The following PPP1R21 variants were observed in gnomAD, a reference collection of about 807,000 sequenced individuals.
PPP1R21 encodes KLRAQ motif containing 1.
Under a neutral mutation model 112.8 loss-of-function variants are expected in PPP1R21, and 85 were observed. That is an observed-to-expected ratio of 0.75 (90% CI 0.63 to 0.90). The LOEUF is 0.90. PPP1R21 is among the 40% of genes least tolerant of loss of function. PPP1R21 has a pLI of 0.00. For synonymous variants in PPP1R21, 381 were observed against 322.3 expected, an observed-to-expected ratio of 1.18 and a Z score of -1.95; for missense variants, 1,199 against 901.5, an observed-to-expected ratio of 1.33 and a Z score of -4.23.
intron 7 of PPP1R21, among the ~76,000 whole-genome samples, chr2:48,462,040 C>G (rs1283208210): frequency 6.6e-6 from 1 of 152,192 alleles, no homozygotes; most frequent in Non-Finnish European, 1.5e-5. Context: ...CTTCTAGCTT[C>G]TACATTAATG....
chr2:48,442,859 G>C (rs774190439), intron 1 of PPP1R21, among the ~76,000 whole-genome samples: 1 of 152,174 alleles, frequency 6.6e-6, no homozygotes, highest in Non-Finnish European at 1.5e-5. Flanking sequence ...CAAGTAAGAA[G>C]AGTGAACTTT....
At chr2:48,483,913 C>T (rs537863250) in intron 13 of PPP1R21, among the ~76,000 whole-genome samples, 1 of 152,034 alleles carries the variant, frequency 6.6e-6, no homozygotes, top group East Asian at 1.9e-4. Context: ...GTCTCAAACT[C>T]CTGGACTCAA....
chr2:48,472,100 C>T (rs1008429955), intron 11 of PPP1R21, among the ~76,000 whole-genome samples: 3 of 151,530 alleles, frequency 2.0e-5, no homozygotes, highest in Non-Finnish European at 4.4e-5. Flanking sequence ...ATTAGCCGGG[C>T]GTTGTGGTGC....
chr2:48,461,460 A>G (rs1489077290), intron 7 of PPP1R21, among the ~76,000 whole-genome samples: 1 of 152,188 alleles, frequency 6.6e-6, no homozygotes, highest in Non-Finnish European at 1.5e-5. Flanking sequence ...GCCCAAATCC[A>G]CATTTTTTGA....
chr2:48,486,885 C>G lies in PPP1R21; in HGVS notation c.1446+127C>G, dbSNP rs984373324. 103 of 956,110 alleles carry G rather than the reference C, an allele frequency of 1.1e-4. 1 individual carries two copies. In the South Asian group the frequency reaches 1.4e-3, roughly 13 times the overall value. 59.2% of individuals were successfully genotyped at this position (956,110 alleles called of 1,614,324 possible). A position where few individuals can be genotyped will look rare whatever the true frequency, so the allele number is the denominator to read the frequency against. ...AGGGTTTACTGTAAAATAAAGTTGT[C>G]TCTCTTTCCTCTGCTTCCTACCCAG... is the stretch of plus-strand genomic sequence containing the variant. On this transcript the variant is annotated intron_variant, in intron 14 of 21. Coordinates refer to ENST00000294952, the MANE Select transcript of PPP1R21 (RefSeq NM_001135629.3).
intron 12 of PPP1R21, among the ~76,000 whole-genome samples, chr2:48,477,454 A>G (rs967491409): frequency 6.6e-6 from 1 of 152,160 alleles, no homozygotes; most frequent in African/African-American, 2.4e-5. Context: ...GCCTGTGCCT[A>G]TGCAGTTGTC....
At chr2:48,455,541 T>C (rs1209469305) in intron 3 of PPP1R21, among the ~76,000 whole-genome samples, 2 of 152,200 alleles carry the variant, frequency 1.3e-5, no homozygotes, top group Non-Finnish European at 2.9e-5. Context: ...GGGACATTTA[T>C]ATGATAGTCA....
chr2:48,458,772 T>C (rs896268277), intron 4 of PPP1R21, among the ~76,000 whole-genome samples: 3 of 152,132 alleles, frequency 2.0e-5, no homozygotes, highest in African/African-American at 7.2e-5. Flanking sequence ...AGTTAGTGCC[T>C]GCCCCCAAAC....
chr2:48,495,490 C>G (rs1312601248), intron 15 of PPP1R21, among the ~76,000 whole-genome samples, 189 bp from the exon 16 acceptor site: 1 of 152,176 alleles, frequency 6.6e-6, no homozygotes, highest in Non-Finnish European at 1.5e-5. Context: ...GTGTGAGCCA[C>G]CGCGCCCAGG....
intron 16 of PPP1R21, among the ~76,000 whole-genome samples, chr2:48,496,777 G>T (rs1040659621): frequency 6.6e-6 from 1 of 152,186 alleles, no homozygotes; most frequent in African/African-American, 2.4e-5. Flanking sequence ...GAGCTTGTTG[G>T]ATTTAGGTCC....
intron 13 of PPP1R21, among the ~76,000 whole-genome samples, chr2:48,484,783 T>C (rs1572871522): frequency 1.3e-5 from 2 of 152,212 alleles, no homozygotes; most frequent in South Asian, 4.1e-4. Context: ...CCCAAAGTGC[T>C]AGATTACAGG....
intron 3 of PPP1R21, among the ~76,000 whole-genome samples, chr2:48,456,034 AAATAGT>A (rs1432582788): frequency 2.3e-5 from 3 of 133,290 alleles, no homozygotes; most frequent in Non-Finnish European, 3.2e-5. Context: ...AAAAAAAAAA[AAATAGT>A]AGCAGTTGAA....
Position 48,470,491 on chromosome 2 carries a change from G to A in PPP1R21, c.898-596G>A, listed in dbSNP as rs146401831. On this transcript the variant is annotated intron_variant, in intron 9 of 21. Coordinates refer to ENST00000294952, the MANE Select transcript of PPP1R21 (RefSeq NM_001135629.3). Reference sequence around the variant, plus strand: ...GCCAAGATCCCGCCACTGCACTCCAGCTTGGGGGACAGAGTGAAACTCTGT... The same window carrying A: ...GCCAAGATCCCGCCACTGCACTCCAACTTGGGGGACAGAGTGAAACTCTGT... Among the ~76,000 whole-genome samples, 827 of 149,282 alleles carry A rather than the reference G, an allele frequency of 5.5e-3. 4 individuals are homozygous for A. Among genetic ancestry groups the A allele is most frequent in the Middle Eastern group, 0.014 (4 of 288 alleles).
In PPP1R21 at chr2:48,514,766, A is replaced by T. The variant is rs745476804; in HGVS notation, c.*22A>T. 13 of 1,612,856 alleles carry T rather than the reference A, an allele frequency of 8.1e-6. No homozygotes were observed. The highest frequency in any genetic ancestry group is 1.0e-5 in the Non-Finnish European group (12 of 1,179,572). The stretch of plus-strand genomic sequence containing the variant: ...ATAGTTTTGAAATAGCTGGTTGGCG[A>T]CTGTTCTTTCCAGACCTGCTCCTGC... On this transcript the variant is annotated 3_prime_UTR_variant, in exon 22 of 22. Coordinates refer to ENST00000294952, the MANE Select transcript of PPP1R21 (RefSeq NM_001135629.3).
At chr2:48,495,826 C>T (rs896895826) in intron 16 of PPP1R21, 55 bp downstream of exon 16, 2 of 1,024,820 alleles carry the variant, frequency 2.0e-6, no homozygotes, top group Admixed American at 3.5e-5. Flanking sequence ...GTTAAATCCC[C>T]CATAGAAAGT....
chr2:48,495,460 C>A (rs1464190615), intron 15 of PPP1R21, among the ~76,000 whole-genome samples: 1 of 152,162 alleles, frequency 6.6e-6, no homozygotes, highest in Non-Finnish European at 1.5e-5. Context: ...CCTCGACCTC[C>A]CAAAGTGCTG....
At chr2:48,460,509 TGAATAAAATA>T (rs1356565835) in intron 6 of PPP1R21, among the ~76,000 whole-genome samples, 1 of 152,216 alleles carries the variant, frequency 6.6e-6, no homozygotes, top group African/African-American at 2.4e-5. Flanking sequence ...TGGTACATTT[TGAATAAAATA>T]GAGGTTATGC....
chr2:48,446,207 C>T (rs1221858215), intron 1 of PPP1R21, among the ~76,000 whole-genome samples: 1 of 152,158 alleles, frequency 6.6e-6, no homozygotes. Context: ...TCTCACTTTC[C>T]CCAAAAACTC....
At chr2:48,458,579 CTTT>C (rs80280182) in intron 4 of PPP1R21, among the ~76,000 whole-genome samples, 2 of 137,400 alleles carry the variant, frequency 1.5e-5, no homozygotes, top group Non-Finnish European at 1.6e-5. Flanking sequence ...CTCCCCCTCC[CTTT>C]TTTTTTTTTT....
Sources: gnomAD v4.1 joint callset for allele counts (sites outside exome capture counted in the v4.1 genomes callset) on GRCh38, gnomAD v4.1.1 for gene constraint, MANE v1.5 for transcripts, NCBI Gene and HGNC (gene_info 2026-07-23, HGNC 2026-07-21) for gene names.